Variants in WDFY1 observed in about 807,000 individuals in gnomAD.
The protein encoded by WDFY1 is WD repeat and FYVE domain containing 1.
Under a neutral mutation model 56.4 loss-of-function variants are expected in WDFY1, and 32 were observed. The observed-to-expected ratio is 0.57, with a 90% CI of 0.43 to 0.76. The LOEUF (loss-of-function observed/expected upper bound fraction) is 0.76. Among genes scored for constraint, WDFY1 ranks in the 30% least tolerant of loss-of-function variants. WDFY1 has a pLI of 0.00. For synonymous variants in WDFY1, 192 were observed against 197.3 expected (o/e 0.97, Z 0.23); for missense variants, 480 against 545.7 (o/e 0.88, Z 1.20).
At chr2:223,886,109 C>T (rs535461956) in intron 8 of WDFY1, among the ~76,000 whole-genome samples, 16 of 151,996 alleles carry the variant, frequency 1.1e-4, no homozygotes, top group South Asian at 2.1e-4. Context: ...TTTGGGAGGC[C>T]GAGGCAGATG....
Position 223,905,944 on chromosome 2 carries a change from T to C in WDFY1, c.334+3A>G. The stretch of plus-strand genomic sequence containing the variant: ...TACGCAAGATAATGTGTATTATAAT[T>C]ACCTGGGTAGGTCTTGATAAAGTTC... On this transcript the variant is annotated splice_donor_region_variant and intron_variant, in intron 4 of 11. Coordinates refer to ENST00000233055, the MANE Select transcript of WDFY1 (RefSeq NM_020830.5). 1 of 1,565,608 alleles carries C rather than the reference T, an allele frequency of 6.4e-7. No individual in the cohort carries two copies. Among genetic ancestry groups the C allele is most frequent in the Non-Finnish European group, 8.6e-7 (1 of 1,157,106 alleles).
chr2:223,939,269 A>T (rs1368454803), intron 1 of WDFY1, among the ~76,000 whole-genome samples: 1 of 152,190 alleles, frequency 6.6e-6, no homozygotes, highest in African/African-American at 2.4e-5. Flanking sequence ...TCTGATGCAC[A>T]TTCAAGTTAA....
At chr2:223,929,665 G>A (rs1315847789) in intron 1 of WDFY1, among the ~76,000 whole-genome samples, 2 of 152,128 alleles carry the variant, frequency 1.3e-5, no homozygotes, top group African/African-American at 2.4e-5. Context: ...AAAAAATAAA[G>A]ATTCATGAAA....
At position 223,880,211 on chromosome 2, in the gene WDFY1, A is replaced by C. The variant is rs758473983; in HGVS notation, c.1086T>G (p.Phe362Leu). 2.5e-6 allele frequency: 4 copies of C among 1,614,118 alleles called. No individual in the cohort carries two copies. The change falls in exon 11 of 12, where the codon TTT becomes TTG. Residue 362 changes from phenylalanine to leucine, a missense_variant. Coordinates refer to ENST00000233055, the MANE Select transcript of WDFY1 (RefSeq NM_020830.5). ...GGGAAATGTTATGTTTTCCTTCATG[A>C]AAGGTCGCTAGAGAAGTCCGACTAA... is the stretch of plus-strand genomic sequence containing the variant. ...KDEDRTSLAT[F>L]HEGKHNISHM...
At chr2:223,914,072 C>G (rs1180757014) in intron 2 of WDFY1, among the ~76,000 whole-genome samples, 1 of 144,162 alleles carries the variant, frequency 6.9e-6, no homozygotes, top group Non-Finnish European at 1.5e-5. Context: ...TCTCAGCTCA[C>G]TGCAACCTCC....
intron 8 of WDFY1, among the ~76,000 whole-genome samples, chr2:223,893,902 T>C (rs1277002957): frequency 6.6e-6 from 1 of 152,238 alleles, no homozygotes; most frequent in African/African-American, 2.4e-5. Context: ...GGGACCACAA[T>C]GGTGCTTCGG....
chr2:223,922,205 T>G (rs894708806), intron 1 of WDFY1, among the ~76,000 whole-genome samples: 1 of 152,240 alleles, frequency 6.6e-6, no homozygotes, highest in African/African-American at 2.4e-5. Flanking sequence ...GACAGTGTTT[T>G]CTGAGCAGAT....
intron 1 of WDFY1, among the ~76,000 whole-genome samples, chr2:223,920,624 C>T (rs931357170): frequency 3.9e-5 from 6 of 152,172 alleles, no homozygotes; most frequent in African/African-American, 1.4e-4. Context: ...GTGAACACGC[C>T]GGCTGTGGGA....
chr2:223,888,281 T>C (rs1034785933), intron 8 of WDFY1, among the ~76,000 whole-genome samples: 1 of 152,020 alleles, frequency 6.6e-6, no homozygotes, highest in Non-Finnish European at 1.5e-5. Context: ...TCCAAGCTGC[T>C]CAGGCTGAAC....
chr2:223,904,142 C>T (rs1285760410), intron 4 of WDFY1, among the ~76,000 whole-genome samples: 1 of 152,216 alleles, frequency 6.6e-6, no homozygotes, highest in Non-Finnish European at 1.5e-5. Context: ...GTACATTACT[C>T]AGTGCAAGAT....
At chr2:223,917,415 C>A (rs1245606535) in intron 2 of WDFY1, among the ~76,000 whole-genome samples, 1 of 145,304 alleles carries the variant, frequency 6.9e-6, no homozygotes, top group East Asian at 2.0e-4. Context: ...ATTTTTTTTT[C>A]AGTTTTGCTC....
chr2:223,928,610 T>G (rs2118412), intron 1 of WDFY1, among the ~76,000 whole-genome samples: 13 of 152,090 alleles, frequency 8.5e-5, no homozygotes, highest in African/African-American at 3.1e-4. Context: ...AAATTCTACA[T>G]GTTAAAATGT....
chr2:223,884,899 A>ATG, intron 8 of WDFY1, 150 bp from the exon 9 acceptor site: 1 of 639,312 alleles, frequency 1.6e-6, no homozygotes, highest in Non-Finnish European at 2.6e-6. Context: ...GGAGTGCAGT[A>ATG]TGTGTGATCT....
chr2:223,917,118 G>A (rs1559171420), intron 2 of WDFY1, among the ~76,000 whole-genome samples: 1 of 152,108 alleles, frequency 6.6e-6, no homozygotes, highest in Non-Finnish European at 1.5e-5. Context: ...CCGGCCTCCA[G>A]GGCTGCTTTG....
chr2:223,906,126 A>C, intron 3 of WDFY1, 125 bp from the exon 4 acceptor site: 1 of 683,768 alleles, frequency 1.5e-6, no homozygotes. Flanking sequence ...ACTTAAGGCG[A>C]GTTATTTAGG....
chr2:223,906,223 G>A (rs1693596556), intron 3 of WDFY1, among the ~76,000 whole-genome samples: 1 of 152,158 alleles, frequency 6.6e-6, no homozygotes, highest in Non-Finnish European at 1.5e-5. Context: ...AGTAAGTGCT[G>A]CTGATCAGCA....
intron 1 of WDFY1, among the ~76,000 whole-genome samples, chr2:223,928,830 G>C (rs549501329): frequency 6.6e-4 from 101 of 152,336 alleles, no homozygotes; most frequent in Non-Finnish European, 1.3e-3. Context: ...GGTCAGGCTT[G>C]GGATTCTGGA....
intron 6 of WDFY1, among the ~76,000 whole-genome samples, chr2:223,898,593 A>G (rs888627563): frequency 2.6e-5 from 4 of 152,014 alleles, no homozygotes; most frequent in Admixed American, 1.3e-4. Flanking sequence ...CTTAGTAGAG[A>G]GGCAGTTTTG....
rs368902455 is a variant in WDFY1, at chr2:223,933,961, CA to C, written c.137+11186del. ...TGGGAGACAGAGTGAGACCCTGCCT[CA>C]AAAAAAAAAAAAAAAAAAAGTCTCG... On this transcript the variant is annotated intron_variant, in intron 1 of 11. Coordinates refer to ENST00000233055, the MANE Select transcript of WDFY1 (RefSeq NM_020830.5). 2.5e-3 allele frequency among the ~76,000 whole-genome samples: 130 copies of C among 51,008 alleles called. 2 individuals are homozygous for C. The East Asian group carries it at 0.045, about 18-fold the overall frequency. 33.5% of individuals were successfully genotyped at this position (51,008 alleles called of 152,430 possible). A position where few individuals can be genotyped will look rare whatever the true frequency, so the allele number is the denominator to read the frequency against.
Sources: gnomAD v4.1 joint callset for allele counts (sites outside exome capture counted in the v4.1 genomes callset) on GRCh38, gnomAD v4.1.1 for gene constraint, MANE v1.5 for transcripts, NCBI Gene and HGNC (gene_info 2026-07-23, HGNC 2026-07-21) for gene names.